Variants in EPHA5 observed in about 807,000 individuals in gnomAD.
EPHA5 encodes EPH receptor A5.
EPHA5 carries 60 observed loss-of-function variants against 105.0 expected under a neutral mutation model. The ratio of observed to expected loss-of-function variants is 0.57; its 90% CI spans 0.46 to 0.71. The LOEUF (loss-of-function observed/expected upper bound fraction) is 0.71. Among genes scored for constraint, EPHA5 ranks in the 30% least tolerant of loss-of-function variants. The pLI, the probability that EPHA5 is intolerant of heterozygous loss-of-function variation, is 0.00. For synonymous variants in EPHA5, 513 were observed against 449.1 expected, an observed-to-expected ratio of 1.14 and a Z score of -1.80; for missense variants, 1,218 against 1,274.7, an observed-to-expected ratio of 0.96 and a Z score of 0.68.
chr4:65,573,421 A>AT, intron 3 of EPHA5: 2 of 576,228 alleles, frequency 3.5e-6, no homozygotes, highest in Middle Eastern at 5.3e-4. Context: ...AAAAAAAAAA[A>AT]AAAAAAAAAA....
chr4:65,603,563 G>A (rs573095848), intron 2 of EPHA5, among the ~76,000 whole-genome samples: 93 of 152,168 alleles, frequency 6.1e-4, no homozygotes, highest in African/African-American at 2.2e-3. Context: ...GCAAAGATGT[G>A]AAAAATGCAA....
chr4:65,601,932 T>C lies in EPHA5; in HGVS notation c.619A>G (p.Lys207Glu), dbSNP rs1369888289. ...TGAAAAGCAAGATAAAATCCCTTTT[T>C]GCTTAGAGGTCCTACATCTCTGACC... ...TEVRDVGPLSKKGFYLAFQDV... is the reference protein window; with the variant it reads ...TEVRDVGPLSEKGFYLAFQDV... Residue 207 changes from lysine to glutamate, a missense_variant, in exon 3 of 17, where the codon AAA (lysine) becomes GAA (glutamate). Lys to Glu is a moderately conservative substitution (Grantham distance 56, BLOSUM62 1). Transcript: ENST00000613740. The C allele has an allele frequency of 1.2e-6, 2 of 1,614,178 alleles. No homozygotes were observed. Among genetic ancestry groups the C allele is most frequent in the Middle Eastern group, 1.6e-4 (1 of 6,062 alleles).
At chr4:65,555,452 G>A (rs909956862) in intron 3 of EPHA5, among the ~76,000 whole-genome samples, 1 of 151,506 alleles carries the variant, frequency 6.6e-6, no homozygotes, top group African/African-American at 2.4e-5. Flanking sequence ...TAGGTACTAA[G>A]CTTAATACCT....
intron 3 of EPHA5, among the ~76,000 whole-genome samples, chr4:65,558,280 A>T (rs960659539): frequency 6.6e-6 from 1 of 152,140 alleles, no homozygotes; most frequent in Non-Finnish European, 1.5e-5. Context: ...GGTAATGGTA[A>T]CAGATCACAC....
At chr4:65,627,627 G>A (rs1235464418) in intron 2 of EPHA5, among the ~76,000 whole-genome samples, 1 of 152,098 alleles carries the variant, frequency 6.6e-6, no homozygotes, top group Admixed American at 6.6e-5. Flanking sequence ...AAGACAGAAA[G>A]ATATCTCATG....
chr4:65,560,238 A>T (rs4510508), intron 3 of EPHA5, among the ~76,000 whole-genome samples: 78,279 of 152,014 alleles, frequency 0.51, 20,468 homozygotes, highest in African/African-American at 0.54. Flanking sequence ...AGATTTTTCA[A>T]ATAAGGAATT....
At chr4:65,359,065 A>G (rs1723575525) in intron 11 of EPHA5, among the ~76,000 whole-genome samples, 1 of 151,616 alleles carries the variant, frequency 6.6e-6, no homozygotes, top group East Asian at 1.9e-4. Flanking sequence ...CAATGAAAAT[A>G]ACTTTAAAAC....
chr4:65,657,772 A>G, intron 1 of EPHA5, among the ~76,000 whole-genome samples: 1 of 152,060 alleles, frequency 6.6e-6, no homozygotes, highest in East Asian at 1.9e-4. Context: ...TTCGTTCACT[A>G]AACACAAATG....
intron 2 of EPHA5, 41 bp downstream of exon 2, chr4:65,643,322 G>A (rs140040146): frequency 2.8e-5 from 40 of 1,449,392 alleles, no homozygotes; most frequent in African/African-American, 7.0e-5. Flanking sequence ...AGATGCTTAC[G>A]CACATAGCTT....
At chr4:65,542,191 G>A (rs1276288550) in intron 3 of EPHA5, among the ~76,000 whole-genome samples, 1 of 151,790 alleles carries the variant, frequency 6.6e-6, no homozygotes, top group Non-Finnish European at 1.5e-5. Context: ...AAAAGCCAGA[G>A]CAAACAAATC....
In EPHA5 at chr4:65,669,626, G is replaced by C. The variant is rs1235073807; in HGVS notation, c.117C>G (p.Pro39=). 7.0e-7 allele frequency: 1 copy of C among 1,419,208 alleles called. No individual in the cohort carries two copies. The highest frequency in any genetic ancestry group is 1.7e-5 in the South Asian group (1 of 59,040). 87.9% of individuals were successfully genotyped at this position (1,419,208 alleles called of 1,614,324 possible). ...CGCACAGGAGAAGGCACGTCCAGAG[G>C]GGAGCCCGTCGAGGTGCAGAGTAGC... ...AGCYSAPRRA[P]LWTCLLLCAA... Residue 39 remains proline, a synonymous_variant, in exon 1 of 17, where the codon CCC becomes CCG. Transcript: ENST00000613740.
intron 3 of EPHA5, among the ~76,000 whole-genome samples, chr4:65,528,013 G>GAATA (rs1735405551): frequency 6.6e-6 from 1 of 152,022 alleles, no homozygotes; most frequent in Non-Finnish European, 1.5e-5. Context: ...ATATTTAAGA[G>GAATA]TTTAATATTA....
intron 5 of EPHA5, among the ~76,000 whole-genome samples, chr4:65,455,845 G>A (rs548113293): frequency 4.6e-5 from 7 of 152,096 alleles, no homozygotes; most frequent in Admixed American, 2.0e-4. Flanking sequence ...ACATAGGATC[G>A]GTTTTCTTAA....
At chr4:65,412,327 G>A (rs535424561) in intron 7 of EPHA5, among the ~76,000 whole-genome samples, 86 of 152,214 alleles carry the variant, frequency 5.6e-4, no homozygotes, top group African/African-American at 1.6e-3. Flanking sequence ...TTTGTCTGGA[G>A]AGAAGTTTCC....
intron 5 of EPHA5, among the ~76,000 whole-genome samples, chr4:65,473,508 C>T (rs368663183): frequency 1.2e-4 from 18 of 152,210 alleles, no homozygotes; most frequent in African/African-American, 3.9e-4. Context: ...ACATCTTAAA[C>T]GGTGACAGGC....
At chr4:65,630,719 T>C (rs1419674083) in intron 2 of EPHA5, among the ~76,000 whole-genome samples, 4 of 152,174 alleles carry the variant, frequency 2.6e-5, no homozygotes, top group Non-Finnish European at 5.9e-5. Context: ...AGAATTGAGG[T>C]TGCTGCAGAC....
At chr4:65,649,666 C>T (rs1748423612) in intron 1 of EPHA5, among the ~76,000 whole-genome samples, 1 of 152,160 alleles carries the variant, frequency 6.6e-6, no homozygotes, top group South Asian at 2.1e-4. Flanking sequence ...CTCATATCTT[C>T]CTCATTCCTT....
At chr4:65,518,579 C>A (rs1417291900) in intron 3 of EPHA5, among the ~76,000 whole-genome samples, 1 of 151,916 alleles carries the variant, frequency 6.6e-6, no homozygotes, top group Non-Finnish European at 1.5e-5. Context: ...AAACAAAAGG[C>A]AAAATCTGGT....
In EPHA5 at chr4:65,365,054, A is replaced by G. The variant is rs1428880457; in HGVS notation, c.2136T>C (p.His712=). The change falls in exon 11 of 17, where the codon CAT becomes CAC. Residue 712 remains histidine (H), a synonymous_variant. Coordinates refer to ENST00000613740, the MANE Select transcript of EPHA5 (RefSeq NM_001281766.3). ...CACCTTCTAAATGGATGATGTTAGG[A>G]TGATCAAACTGTCCCATGATACTTG... The part of the protein sequence containing the change: ...GEASIMGQFD[H]PNIIHLEGVV... 1.2e-6 allele frequency: 2 copies of G among 1,611,496 alleles called. No individual in the cohort carries two copies. Among genetic ancestry groups the G allele is most frequent in the Non-Finnish European group, 1.7e-6 (2 of 1,178,332 alleles).
Sources: gnomAD v4.1 joint callset for allele counts (sites outside exome capture counted in the v4.1 genomes callset) on GRCh38, gnomAD v4.1.1 for gene constraint, MANE v1.5 for transcripts, NCBI Gene and HGNC (gene_info 2026-07-23, HGNC 2026-07-21) for gene names.